The following DNAI3 variants were observed in gnomAD, a reference collection of about 807,000 sequenced individuals.
DNAI3 encodes the protein dynein axonemal intermediate chain 3, also known as WD repeat domain 63.
DNAI3 carries 83 observed loss-of-function variants against 115.5 expected under a neutral mutation model. The ratio of observed to expected loss-of-function variants is 0.72; its 90% CI spans 0.60 to 0.86. The LOEUF is 0.86. DNAI3 is among the 40% of genes least tolerant of loss of function. The pLI, the probability that DNAI3 is intolerant of heterozygous loss-of-function variation, is 0.00. For synonymous variants in DNAI3, 320 were observed against 347.0 expected (o/e 0.92, Z 0.86); for missense variants, 1,004 against 1,075.8 (o/e 0.93, Z 0.93).
intron 12 of DNAI3, among the ~76,000 whole-genome samples, chr1:85,098,229 G>A: frequency 6.6e-6 from 1 of 152,164 alleles, no homozygotes; most frequent in East Asian, 1.9e-4. Flanking sequence ...AAAGAATGGT[G>A]AGATGCAGCC....
At chr1:85,066,109 TA>T (rs1488658003) in intron 1 of DNAI3, among the ~76,000 whole-genome samples, 1 of 152,162 alleles carries the variant, frequency 6.6e-6, no homozygotes, top group Non-Finnish European at 1.5e-5. Context: ...CTGAAATGGG[TA>T]AATTAATTTA....
chr1:85,083,698 A>T (rs996509290), intron 5 of DNAI3, among the ~76,000 whole-genome samples: 10 of 152,130 alleles, frequency 6.6e-5, no homozygotes, highest in African/African-American at 2.4e-4. Context: ...ATTAATTTTT[A>T]TTATATTTAC....
intron 13 of DNAI3, among the ~76,000 whole-genome samples, chr1:85,101,009 T>G (rs1259086491): frequency 1.3e-5 from 2 of 151,688 alleles, no homozygotes; most frequent in African/African-American, 2.4e-5. Flanking sequence ...CATTAGGAGA[T>G]ATACCTAATG....
At chr1:85,097,732 A>G in intron 12 of DNAI3, 77 bp downstream of exon 12, 2 of 1,282,026 alleles carry the variant, frequency 1.6e-6, no homozygotes, top group Non-Finnish European at 2.1e-6. Flanking sequence ...TATAGTTGCC[A>G]AGGCTAATAA....
intron 7 of DNAI3, among the ~76,000 whole-genome samples, chr1:85,086,631 C>T (rs1654808259): frequency 6.6e-6 from 1 of 152,114 alleles, no homozygotes; most frequent in Admixed American, 6.5e-5. Context: ...TCTTCCTCCT[C>T]TCAGTAAGTG....
At chr1:85,069,924 A>G (rs1383002039) in intron 1 of DNAI3, among the ~76,000 whole-genome samples, 1 of 152,304 alleles carries the variant, frequency 6.6e-6, no homozygotes, top group East Asian at 1.9e-4. Context: ...GAATATCTTA[A>G]AAATAGAAAT....
intron 3 of DNAI3, among the ~76,000 whole-genome samples, chr1:85,073,908 G>A (rs1654369040): frequency 6.6e-6 from 1 of 152,152 alleles, no homozygotes; most frequent in South Asian, 2.1e-4. Flanking sequence ...AGAGGGGGCA[G>A]AGGTGTGGAG....
At chr1:85,062,880 G>A (rs1231153561) in intron 1 of DNAI3, among the ~76,000 whole-genome samples, 3 of 152,084 alleles carry the variant, frequency 2.0e-5, no homozygotes, top group Non-Finnish European at 4.4e-5. Context: ...TAGGGGCGGG[G>A]GTCAAACAAT....
chr1:85,100,085 C>T (rs1655245552), intron 13 of DNAI3, among the ~76,000 whole-genome samples: 1 of 144,314 alleles, frequency 6.9e-6, no homozygotes, highest in Non-Finnish European at 1.5e-5. Flanking sequence ...GCCCAAAATA[C>T]CAAAAGCAAT....
intron 3 of DNAI3, among the ~76,000 whole-genome samples, chr1:85,078,068 A>G (rs1654514403): frequency 6.6e-6 from 1 of 152,164 alleles, no homozygotes; most frequent in Non-Finnish European, 1.5e-5. Context: ...AATAACTGCC[A>G]TTCACTGGAT....
At chr1:85,067,147 C>T (rs1434992723) in intron 1 of DNAI3, among the ~76,000 whole-genome samples, 1 of 152,132 alleles carries the variant, frequency 6.6e-6, no homozygotes, top group South Asian at 2.1e-4. Flanking sequence ...CTCTCTTCAG[C>T]TTATAAATGT....
chr1:85,094,215 A>T (rs1418752492), intron 9 of DNAI3: 2 of 589,634 alleles, frequency 3.4e-6, no homozygotes, highest in Admixed American at 2.9e-5. Context: ...TTTTATACTA[A>T]CAGTACATGT....
chr1:85,076,320 G>GT (rs1208678018), intron 3 of DNAI3, among the ~76,000 whole-genome samples: 4 of 151,762 alleles, frequency 2.6e-5, no homozygotes, highest in Non-Finnish European at 5.9e-5. Flanking sequence ...TGGGATAAAT[G>GT]TTTTAAAAAA....
intron 16 of DNAI3, among the ~76,000 whole-genome samples, chr1:85,116,924 A>T (rs1266923986): frequency 6.6e-6 from 1 of 152,206 alleles, no homozygotes; most frequent in Non-Finnish European, 1.5e-5. Flanking sequence ...TTTGTCCAGA[A>T]TTATGCTAAA....
At chr1:85,072,954 C>CAAAAAAAAAAAAAAAAAA in intron 2 of DNAI3, 100 bp from the exon 3 acceptor site, 1 of 406,364 alleles carries the variant, frequency 2.5e-6, no homozygotes, top group South Asian at 5.3e-5. Flanking sequence ...GACTCCGTCT[C>CAAAAAAAAAAAAAAAAAA]AAAAAAAAAA....
At chr1:85,084,187 G>GTGTA (rs1654717691) in intron 5 of DNAI3, among the ~76,000 whole-genome samples, 1 of 142,808 alleles carries the variant, frequency 7.0e-6, no homozygotes, top group East Asian at 2.0e-4. Flanking sequence ...GTGTGTGTGT[G>GTGTA]TATATATACA....
chr1:85,081,175 T>C, intron 3 of DNAI3, 59 bp from the exon 4 acceptor site: 2 of 1,384,252 alleles, frequency 1.4e-6, no homozygotes, highest in Non-Finnish European at 1.9e-6. Context: ...GCATGTTTTC[T>C]AATGCTAATA....
chr1:85,095,520 C>G (rs1053567724), intron 10 of DNAI3, among the ~76,000 whole-genome samples: 3 of 152,134 alleles, frequency 2.0e-5, no homozygotes, highest in African/African-American at 7.2e-5. Context: ...CTCCTCTCCA[C>G]TCCAGGAGTG....
In DNAI3 at chr1:85,076,985, G is replaced by A. The variant is rs1436318007; in HGVS notation, c.103+3893G>A. On this transcript the variant is annotated intron_variant, in intron 3 of 22. Coordinates refer to ENST00000294664, the MANE Select transcript of DNAI3 (RefSeq NM_145172.5). ...GCTTCTTCATCTGAAAAGCAAGATA[G>A]ACTATCTACCTCATAAGACTGATGT... Among the ~76,000 whole-genome samples the A allele has an allele frequency of 5.3e-5, 8 of 152,112 alleles. No homozygotes were observed. The East Asian group carries it at 1.5e-3, about 29-fold the overall frequency.
Sources: allele counts gnomAD v4.1 joint callset (sites outside exome capture counted in the v4.1 genomes callset), GRCh38; gene constraint gnomAD v4.1.1; transcripts MANE v1.5; gene names NCBI Gene and HGNC (gene_info 2026-07-23, HGNC 2026-07-21).